Variants in NYAP2 observed in about 807,000 individuals in gnomAD.
NYAP2 encodes the protein neuronal tyrosine-phosphorylated phosphoinositide-3-kinase adapter 2.
Under a neutral mutation model 50.4 loss-of-function variants are expected in NYAP2, and 23 were observed. The ratio of observed to expected loss-of-function variants is 0.46; its 90% CI spans 0.33 to 0.65. The LOEUF is 0.65. NYAP2 is among the 30% of genes least tolerant of loss of function. The pLI is 0.02. For missense variants in NYAP2, 885 were observed against 861.0 expected (o/e 1.03, Z -0.35); for synonymous variants, 394 against 365.2 (o/e 1.08, Z -0.90).
chr2:225,409,646 A>G (rs1251726327), intron 3 of NYAP2, among the ~76,000 whole-genome samples: 1 of 152,104 alleles, frequency 6.6e-6, no homozygotes, highest in Non-Finnish European at 1.5e-5. Context: ...AAGTTTGTTC[A>G]AATGGAATTA....
At chr2:225,494,474 G>A (rs1690466613) in intron 3 of NYAP2, among the ~76,000 whole-genome samples, 1 of 152,172 alleles carries the variant, frequency 6.6e-6, no homozygotes, top group Non-Finnish European at 1.5e-5. Flanking sequence ...AGTTCTGCTG[G>A]ATTCATCTTC....
chr2:225,625,159 T>G (rs1349312212), intron 5 of NYAP2, among the ~76,000 whole-genome samples: 2 of 152,080 alleles, frequency 1.3e-5, no homozygotes, highest in African/African-American at 2.4e-5. Context: ...TTACAACTTG[T>G]GATTATTAGA....
intron 3 of NYAP2, among the ~76,000 whole-genome samples, chr2:225,510,920 G>C (rs1165398283): frequency 6.6e-6 from 1 of 151,972 alleles, no homozygotes; most frequent in East Asian, 1.9e-4. Flanking sequence ...AAAAGTTCAG[G>C]CTCCATTTAG....
At chr2:225,651,052 A>AT (rs1373199758) in intron 6 of NYAP2, among the ~76,000 whole-genome samples, 1 of 152,256 alleles carries the variant, frequency 6.6e-6, no homozygotes, top group Non-Finnish European at 1.5e-5. Flanking sequence ...GATAGAAGAC[A>AT]TTTTAGGACA....
chr2:225,637,095 T>C (rs754645616), intron 6 of NYAP2, among the ~76,000 whole-genome samples: 5 of 152,190 alleles, frequency 3.3e-5, no homozygotes, highest in Non-Finnish European at 7.3e-5. Flanking sequence ...GGTAATAGTA[T>C]AGTAGTATAA....
At chr2:225,439,956 G>A (rs1689444601) in intron 3 of NYAP2, among the ~76,000 whole-genome samples, 1 of 152,168 alleles carries the variant, frequency 6.6e-6, no homozygotes, top group Non-Finnish European at 1.5e-5. Context: ...TCACAGGGTG[G>A]CAGGAGAGAG....
At chr2:225,500,282 T>C (rs1051716651) in intron 3 of NYAP2, among the ~76,000 whole-genome samples, 1 of 152,234 alleles carries the variant, frequency 6.6e-6, no homozygotes, top group Non-Finnish European at 1.5e-5. Flanking sequence ...CAGAGTTATC[T>C]TAAGAAGGGT....
chr2:225,657,277 A>AT (rs1413623476), downstream of NYAP2, among the ~76,000 whole-genome samples: 1 of 151,616 alleles, frequency 6.6e-6, no homozygotes, highest in East Asian at 1.9e-4. Context: ...ACCAGGCTAA[A>AT]TTTTTTGTAT....
At chr2:225,441,546 G>C (rs150355442) in intron 3 of NYAP2, among the ~76,000 whole-genome samples, 2 of 152,154 alleles carry the variant, frequency 1.3e-5, no homozygotes, top group Admixed American at 1.3e-4. Flanking sequence ...CTGCAGGGCT[G>C]GGGAGGCCTC....
the NYAP2 span, chr2:225,698,987 T>C: frequency 6.6e-6 from 1 of 151,932 alleles, no homozygotes; most frequent in African/African-American, 2.4e-5. Context: ...CTCACAACTA[T>C]AAATCATGTT....
intron 4 of NYAP2, among the ~76,000 whole-genome samples, chr2:225,518,919 G>C (rs1214160086): frequency 6.6e-6 from 1 of 151,964 alleles, no homozygotes; most frequent in African/African-American, 2.4e-5. Context: ...TCAGAAAGCT[G>C]AGGCAGGAGA....
At chr2:225,645,773 A>T (rs1383437633) in intron 6 of NYAP2, among the ~76,000 whole-genome samples, 2 of 152,200 alleles carry the variant, frequency 1.3e-5, no homozygotes, top group Non-Finnish European at 2.9e-5. Context: ...CTTGGCAATT[A>T]TTCTATTAAA....
intron 6 of NYAP2, among the ~76,000 whole-genome samples, chr2:225,636,644 A>G (rs1470044632): frequency 9.9e-5 from 15 of 152,116 alleles, no homozygotes; most frequent in South Asian, 2.1e-4. Context: ...TCAATTTCCC[A>G]TCCCTTGAAT....
chr2:225,430,055 T>A (rs1385345434), intron 3 of NYAP2, among the ~76,000 whole-genome samples: 1 of 152,214 alleles, frequency 6.6e-6, no homozygotes, highest in East Asian at 1.9e-4. Flanking sequence ...ACTCTCTGCT[T>A]TTTTAAAATC....
the NYAP2 span, among the ~76,000 whole-genome samples, chr2:225,663,509 C>T: frequency 6.6e-6 from 1 of 152,238 alleles, no homozygotes; most frequent in South Asian, 2.1e-4. Context: ...CCTCCATTCA[C>T]CTGCTACACC....
chr2:225,408,725 T>A (rs527529544), intron 2 of NYAP2, 139 bp from the exon 3 acceptor site: 1 of 564,676 alleles, frequency 1.8e-6, no homozygotes, highest in African/African-American at 1.9e-5. Context: ...AATATTGTGG[T>A]TGTAATTATT....
chr2:225,589,609 C>T (rs1002751834), intron 5 of NYAP2, among the ~76,000 whole-genome samples: 2 of 148,266 alleles, frequency 1.3e-5, no homozygotes, highest in Admixed American at 1.4e-4. Context: ...GCAGGAGGAT[C>T]AGTTGAGTCT....
chr2:225,486,348 T>C (rs1413420733), intron 3 of NYAP2, among the ~76,000 whole-genome samples: 1 of 152,188 alleles, frequency 6.6e-6, no homozygotes, highest in Non-Finnish European at 1.5e-5. Context: ...GGGTAGGAGC[T>C]ATGGGAGTGC....
chr2:225,564,321 A>G (rs1457582984), intron 4 of NYAP2, among the ~76,000 whole-genome samples: 2 of 151,754 alleles, frequency 1.3e-5, no homozygotes, highest in South Asian at 2.1e-4. Context: ...CCTTGAGTTC[A>G]AAAGTCAAGG....
Sources: gnomAD v4.1 joint callset for allele counts (sites outside exome capture counted in the v4.1 genomes callset) on GRCh38, gnomAD v4.1.1 for gene constraint, MANE v1.5 for transcripts, NCBI Gene and HGNC (gene_info 2026-07-23, HGNC 2026-07-21) for gene names.